PAPPA2: variants seen among roughly 807,000 people sequenced by gnomAD.
PAPPA2 encodes pappalysin 2.
A neutral mutation model predicts 176.4 loss-of-function variants in PAPPA2; 86 were observed. The ratio of observed to expected loss-of-function variants is 0.49; its 90% CI spans 0.41 to 0.58. PAPPA2 has a LOEUF of 0.58. Among genes scored for constraint, PAPPA2 ranks in the 20% least tolerant of loss-of-function variants. The pLI, the probability that PAPPA2 is intolerant of heterozygous loss-of-function variation, is 0.00. For missense variants in PAPPA2, 2,073 were observed against 2,256.9 expected (o/e 0.92, Z 1.65); for synonymous variants, 809 against 852.2 (o/e 0.95, Z 0.88).
At chr1:176,652,481 A>T (rs749766966) in intron 3 of PAPPA2, among the ~76,000 whole-genome samples, 6 of 151,626 alleles carry the variant, frequency 4.0e-5, no homozygotes, top group Non-Finnish European at 7.4e-5. Flanking sequence ...CCTAAAGGGG[A>T]TATACCAGTA....
At chr1:176,798,706 T>A (rs1410997251) in intron 20 of PAPPA2, among the ~76,000 whole-genome samples, 1 of 152,230 alleles carries the variant, frequency 6.6e-6, no homozygotes, top group Admixed American at 6.5e-5. Flanking sequence ...TGCAGGAGAA[T>A]AACTCACTTT....
chr1:176,680,336 TTG>T (rs964725635), intron 4 of PAPPA2, among the ~76,000 whole-genome samples: 21 of 152,204 alleles, frequency 1.4e-4, no homozygotes, highest in African/African-American at 5.1e-4. Flanking sequence ...CTCTGTAAAT[TTG>T]TGTTTCTATT....
chr1:176,557,127 C>G lies in PAPPA2; in HGVS notation c.805C>G (p.Arg269Gly), dbSNP rs746410678. The G allele has an allele frequency of 1.2e-6, 2 of 1,613,714 alleles. No homozygotes were observed. The highest frequency in any genetic ancestry group is 1.3e-5 in the African/African-American group (1 of 74,890). ...GLPILYFSGRRERLLLRPEVL... is the reference protein window; with the variant it reads ...GLPILYFSGRGERLLLRPEVL... Reference sequence around the variant, plus strand: ...GCCCATCTTATACTTCTCTGGGAGGCGGGAGCGGCTGCTGCTGCGTCCAGA... The same window carrying G: ...GCCCATCTTATACTTCTCTGGGAGGGGGGAGCGGCTGCTGCTGCGTCCAGA... The change falls in exon 2 of 23, where the codon CGG (arginine) becomes GGG (glycine). Residue 269 changes from arginine (R) to glycine (G), a missense_variant. By Grantham distance (125) the Arg-to-Gly change is moderately radical. Coordinates refer to ENST00000367662, the MANE Select transcript of PAPPA2 (RefSeq NM_020318.3).
chr1:176,629,916 G>A (rs1479299156), intron 3 of PAPPA2, among the ~76,000 whole-genome samples: 1 of 152,120 alleles, frequency 6.6e-6, no homozygotes, highest in African/African-American at 2.4e-5. Context: ...TAAGATGTAA[G>A]GGTGTAGTGG....
At chr1:176,807,250 A>G (rs1031539753) in intron 21 of PAPPA2, among the ~76,000 whole-genome samples, 2 of 152,170 alleles carry the variant, frequency 1.3e-5, no homozygotes, top group African/African-American at 4.8e-5. Context: ...TAGAACAGTG[A>G]CAGGCAATAC....
At chr1:176,593,063 C>G (rs555363873) in intron 2 of PAPPA2, among the ~76,000 whole-genome samples, 1 of 152,274 alleles carries the variant, frequency 6.6e-6, no homozygotes, top group South Asian at 2.1e-4. Flanking sequence ...AGCTAGTCAT[C>G]ACTAGTAATT....
chr1:176,493,415 G>T (rs528253469), intron 1 of PAPPA2, among the ~76,000 whole-genome samples: 2 of 152,318 alleles, frequency 1.3e-5, no homozygotes, highest in South Asian at 2.1e-4. Context: ...TGAATTGACA[G>T]ATGTCAAGAT....
chr1:176,692,264 A>T lies in PAPPA2; in HGVS notation c.2570A>T (p.Asn857Ile), dbSNP rs773670049. 6.2e-7 allele frequency: 1 copy of T among 1,614,056 alleles called. No homozygotes were observed. The highest frequency in any genetic ancestry group is 1.1e-5 in the South Asian group (1 of 91,070). Residue 857 changes from asparagine (N) to isoleucine (I), a missense_variant, in exon 6 of 23, where the codon AAC becomes ATC. Physicochemically the swap from Asn to Ile is moderately radical, Grantham distance 149. Around this residue, in one of 4 missense-constraint regions of PAPPA2, gnomAD observed 1,196 missense variants for 1,330.4 expected, o/e 0.90. Transcript: ENST00000367662. ...PIPPMVIGQTNKSLTIHWLPP... is the reference protein window; with the variant it reads ...PIPPMVIGQTIKSLTIHWLPP... ...CCACCTATGGTCATCGGACAGACCA[A>T]CAAGTCCCTCACTATCCACTGGCTG...
chr1:176,734,295 C>A (rs1470862263), intron 12 of PAPPA2, among the ~76,000 whole-genome samples: 10 of 151,986 alleles, frequency 6.6e-5, no homozygotes. Context: ...ATGGACTTGA[C>A]AAATCATACA....
At chr1:176,745,183 T>A (rs1022180938) in intron 14 of PAPPA2, among the ~76,000 whole-genome samples, 1 of 152,210 alleles carries the variant, frequency 6.6e-6, no homozygotes, top group Non-Finnish European at 1.5e-5. Flanking sequence ...ACGGGTATCA[T>A]GTTACACATC....
chr1:176,599,707 G>A (rs946850922), intron 3 of PAPPA2, among the ~76,000 whole-genome samples: 3 of 151,550 alleles, frequency 2.0e-5, no homozygotes, highest in Non-Finnish European at 4.4e-5. Flanking sequence ...TATATCCGAT[G>A]CATCTGAAGT....
chr1:176,810,320 C>A (rs925589682), intron 21 of PAPPA2, among the ~76,000 whole-genome samples: 1 of 152,082 alleles, frequency 6.6e-6, no homozygotes, highest in Admixed American at 6.6e-5. Flanking sequence ...CTGTGAAGAA[C>A]TGGAATGGTT....
intron 3 of PAPPA2, among the ~76,000 whole-genome samples, chr1:176,669,287 C>T (rs1411221437): frequency 6.6e-6 from 1 of 152,114 alleles, no homozygotes; most frequent in Non-Finnish European, 1.5e-5. Flanking sequence ...CTTTTCTTTT[C>T]TTCTCTTTCT....
At position 176,690,389 on chromosome 1, in the gene PAPPA2, G is replaced by A. The variant is rs768943457; in HGVS notation, c.2390G>A (p.Arg797His). ...EPTSDTCGFT[R>H]FPGAPFTNYM... ...ACTAGTGACACCTGTGGCTTCACTC[G>A]CTTCCCAGGGGCTCCGTTCACCAAC... is the stretch of plus-strand genomic sequence containing the variant. The change falls in exon 5 of 23, where the codon CGC becomes CAC. Residue 797 changes from arginine (R) to histidine (H), a missense_variant. Physicochemically the swap from Arg to His is conservative, Grantham distance 29. Coordinates refer to ENST00000367662, the MANE Select transcript of PAPPA2 (RefSeq NM_020318.3). The A allele has an allele frequency of 9.9e-6, 16 of 1,613,992 alleles. No homozygotes were observed. In the East Asian group the frequency reaches 1.6e-4, roughly 16 times the overall value.
At chr1:176,570,178 T>C (rs1297429231) in intron 2 of PAPPA2, among the ~76,000 whole-genome samples, 2 of 152,244 alleles carry the variant, frequency 1.3e-5, no homozygotes, top group East Asian at 3.8e-4. Context: ...AGGTAAATCT[T>C]GCTACCTGAA....
intron 1 of PAPPA2, among the ~76,000 whole-genome samples, chr1:176,497,938 G>T (rs2102503477): frequency 6.6e-6 from 1 of 152,286 alleles, no homozygotes; most frequent in East Asian, 1.9e-4. Flanking sequence ...CTACAGAAAA[G>T]ACTGTTCAAA....
chr1:176,478,067 C>A (rs891398444), intron 1 of PAPPA2, among the ~76,000 whole-genome samples: 1 of 152,174 alleles, frequency 6.6e-6, no homozygotes, highest in Admixed American at 6.5e-5. Context: ...AACTGCTGGC[C>A]TGATCACCTT....
intron 1 of PAPPA2, among the ~76,000 whole-genome samples, chr1:176,484,385 T>C (rs1558395765): frequency 6.6e-6 from 1 of 152,248 alleles, no homozygotes; most frequent in Non-Finnish European, 1.5e-5. Flanking sequence ...TGTCGTTTAA[T>C]GTGTGACACT....
intron 2 of PAPPA2, among the ~76,000 whole-genome samples, chr1:176,563,637 A>G (rs927376562): frequency 4.7e-4 from 71 of 152,120 alleles, no homozygotes; most frequent in African/African-American, 1.5e-3. Context: ...AAGTTTGCTA[A>G]CTCATACTTT....
Sources: gnomAD v4.1 joint callset for allele counts (sites outside exome capture counted in the v4.1 genomes callset) on GRCh38, gnomAD v4.1.1 for gene constraint, gnomAD v4.1.1 regional missense constraint, MANE v1.5 for transcripts, NCBI Gene and HGNC (gene_info 2026-07-23, HGNC 2026-07-21) for gene names.